Variants in MYL4 observed in about 807,000 individuals in gnomAD.
MYL4 encodes the protein myosin light chain 4.
In MYL4, 16 loss-of-function variants were observed where a neutral mutation model predicts 21.6. That is an observed-to-expected ratio of 0.74 (90% confidence interval 0.50 to 1.12). The LOEUF (loss-of-function observed/expected upper bound fraction) is 1.12, where lower values mean the gene tolerates loss of function less well. MYL4 is among the 50% of genes most tolerant of loss of function. The probability of loss-of-function intolerance (pLI) is 0.00; values close to 1 mark genes in which losing one functional copy is unlikely to be tolerated. For synonymous variants in MYL4, 82 were observed against 95.7 expected, an observed-to-expected ratio of 0.86 and a Z score of 0.83; for missense variants, 249 against 252.9, an observed-to-expected ratio of 0.98 and a Z score of 0.11.
the MYL4 span, among the ~76,000 whole-genome samples, chr17:47,194,960 C>A: frequency 6.6e-6 from 1 of 151,194 alleles, no homozygotes; most frequent in Non-Finnish European, 1.5e-5. Context: ...AGGCTCTTCT[C>A]GAACTCCTGA....
chr17:47,198,932 G>A (rs1479910831), upstream of MYL4, among the ~76,000 whole-genome samples: 2 of 151,804 alleles, frequency 1.3e-5, no homozygotes, highest in African/African-American at 2.4e-5. Flanking sequence ...GTTGCAGTGA[G>A]TTAAAATTAT....
At chr17:47,224,498 C>G (rs1371168267), downstream of MYL4, among the ~76,000 whole-genome samples, 2 of 152,114 alleles carry the variant, frequency 1.3e-5, no homozygotes, top group East Asian at 3.8e-4. Flanking sequence ...TCATTTCCAC[C>G]AGCAGAAACA....
intron 1 of MYL4, among the ~76,000 whole-genome samples, chr17:47,202,565 G>A (rs1259516502): frequency 6.6e-6 from 1 of 152,104 alleles, no homozygotes; most frequent in African/African-American, 2.4e-5. Flanking sequence ...TAGCAGAATT[G>A]ACTTGACTTT....
intron 4 of MYL4, among the ~76,000 whole-genome samples, 161 bp downstream of exon 4, chr17:47,222,016 A>G (rs902398900): frequency 6.6e-6 from 1 of 152,110 alleles, no homozygotes; most frequent in Non-Finnish European, 1.5e-5. Context: ...CTCTGCAAGA[A>G]CAACCATTCC....
chr17:47,201,657 T>C (rs113369542), intron 1 of MYL4, among the ~76,000 whole-genome samples: 7,310 of 152,038 alleles, frequency 0.048, 211 homozygotes, highest in Middle Eastern at 0.11. Flanking sequence ...GGTTTCTCCA[T>C]GTTGGTCAGG....
chr17:47,191,387 A>T, the MYL4 span, among the ~76,000 whole-genome samples: 1 of 152,328 alleles, frequency 6.6e-6, no homozygotes, highest in South Asian at 2.1e-4. Flanking sequence ...TGAACACAGT[A>T]CTCCAGATTT....
intron 2 of MYL4, 94 bp from the exon 3 acceptor site, chr17:47,219,810 C>T: frequency 6.8e-7 from 1 of 1,460,754 alleles, no homozygotes; most frequent in Non-Finnish European, 9.6e-7. Context: ...AACAACCACA[C>T]TCACCTGCTA....
intron 2 of MYL4, 82 bp from the exon 3 acceptor site, chr17:47,219,822 T>C: frequency 6.5e-7 from 1 of 1,542,222 alleles, no homozygotes; most frequent in Non-Finnish European, 9.0e-7. Flanking sequence ...CACCTGCTAT[T>C]CAGCTTGGGT....
chr17:47,202,203 C>A (rs886389779), intron 1 of MYL4, among the ~76,000 whole-genome samples: 3 of 152,206 alleles, frequency 2.0e-5, no homozygotes, highest in African/African-American at 7.2e-5. Flanking sequence ...CCAGGCTGGT[C>A]TCAAACTCCT....
At chr17:47,194,599 G>C in the MYL4 span, among the ~76,000 whole-genome samples, 1 of 151,948 alleles carries the variant, frequency 6.6e-6, no homozygotes, top group Non-Finnish European at 1.5e-5. Context: ...CTTCCTTCCT[G>C]TATCTTATCT....
At chr17:47,201,832 CTTTTAATGTGTATT>C (rs1567742238) in intron 1 of MYL4, among the ~76,000 whole-genome samples, 1 of 152,108 alleles carries the variant, frequency 6.6e-6, no homozygotes, top group African/African-American at 2.4e-5. Flanking sequence ...TTATTGAATA[CTTTTAATGTGTATT>C]TTTTTGTTTG....
At chr17:47,212,086 G>A (rs2064780122) in intron 1 of MYL4, among the ~76,000 whole-genome samples, 1 of 151,984 alleles carries the variant, frequency 6.6e-6, no homozygotes, top group South Asian at 2.1e-4. Flanking sequence ...TTAGCTGGGC[G>A]TTATGGCGGG....
intron 2 of MYL4, among the ~76,000 whole-genome samples, chr17:47,215,638 T>A (rs1409920679): frequency 3.3e-5 from 5 of 152,200 alleles, no homozygotes; most frequent in Non-Finnish European, 7.3e-5. Flanking sequence ...AATTTTCTTA[T>A]CCACAAAGTG....
At chr17:47,192,813 C>T in the MYL4 span, among the ~76,000 whole-genome samples, 6 of 152,228 alleles carry the variant, frequency 3.9e-5, no homozygotes, top group Non-Finnish European at 7.4e-5. Flanking sequence ...TACTTAAACT[C>T]GCTATTCATC....
chr17:47,221,967 C>A, intron 4 of MYL4, 112 bp downstream of exon 4: 1 of 1,219,558 alleles, frequency 8.2e-7, no homozygotes, highest in Non-Finnish European at 1.1e-6. Flanking sequence ...TCTTTGCATC[C>A]TGAGGATAAT....
upstream of MYL4, among the ~76,000 whole-genome samples, chr17:47,204,749 TTAAC>T (rs2064721532): frequency 1.4e-5 from 2 of 146,316 alleles, no homozygotes; most frequent in East Asian, 2.0e-4. Context: ...AAAAAAAAAG[TTAAC>T]TAACTAAGCC....
downstream of MYL4, among the ~76,000 whole-genome samples, chr17:47,226,932 G>A (rs145733322): frequency 0.014 from 2,106 of 152,266 alleles, 41 homozygotes; most frequent in African/African-American, 0.048. Flanking sequence ...TCAGCTCACT[G>A]CAACCTCCAC....
chr17:47,207,365 T>A (rs2064734117), upstream of MYL4, among the ~76,000 whole-genome samples: 1 of 152,178 alleles, frequency 6.6e-6, no homozygotes, highest in South Asian at 2.1e-4. Context: ...TAGCTGAATG[T>A]CTTGAGGCAA....
the MYL4 span, among the ~76,000 whole-genome samples, chr17:47,194,628 G>T: frequency 6.6e-6 from 1 of 152,022 alleles, no homozygotes; most frequent in Non-Finnish European, 1.5e-5. Flanking sequence ...AAATAAGTCT[G>T]ATCATGTTAG....
Sources: allele counts gnomAD v4.1 joint callset (sites outside exome capture counted in the v4.1 genomes callset), GRCh38; gene constraint gnomAD v4.1.1; transcripts MANE v1.5; gene names NCBI Gene and HGNC (gene_info 2026-07-23, HGNC 2026-07-21).